Variants in ROBO2 observed in about 807,000 individuals in gnomAD.
ROBO2 encodes roundabout homolog 2.
A neutral mutation model predicts 160.8 loss-of-function variants in ROBO2; 53 were observed. The observed-to-expected ratio is 0.33, with a 90% CI of 0.26 to 0.41. The LOEUF (loss-of-function observed/expected upper bound fraction) is 0.41. Among genes scored for constraint, ROBO2 ranks in the 10% least tolerant of loss-of-function variants. The pLI is 1.00. For missense variants in ROBO2, 1,577 were observed against 1,722.4 expected (o/e 0.92, Z 1.49); for synonymous variants, 664 against 611.7 (o/e 1.09, Z -1.26).
rs1553866604 is a variant in ROBO2, at chr3:76,683,463, G to GGAA, written c.110-414551_110-414550insGAA. On this transcript the variant is annotated intron_variant, in intron 2 of 26. Coordinates refer to the ROBO2 transcript ENST00000487694. ...GTTCTTTTTATAAGTAACCCCCACC[G>GGAA]AAAAAAAAAAAAAAAAACCTGGAAA... Among the ~76,000 whole-genome samples, 922 of 117,682 alleles carry GGAA rather than the reference G, an allele frequency of 7.8e-3. 9 individuals carry two copies. The highest frequency in any genetic ancestry group is 0.026 in the African/African-American group (858 of 33,506). The allele number at this position is 117,682 out of a possible 152,430, so 77.2% of individuals were successfully genotyped here.
chr3:76,610,789 G>A (rs2088047758), intron 2 of ROBO2, among the ~76,000 whole-genome samples: 2 of 152,134 alleles, frequency 1.3e-5, no homozygotes, highest in Admixed American at 1.3e-4. Context: ...GCAGGAGCAT[G>A]TCACAGCTCT....
intron 17 of ROBO2, among the ~76,000 whole-genome samples, chr3:77,594,779 C>A (rs555298055): frequency 2.6e-5 from 4 of 152,052 alleles, no homozygotes; most frequent in Non-Finnish European, 4.4e-5. Context: ...AATTAGGACA[C>A]CTTTGTTTTA....
intron 2 of ROBO2, among the ~76,000 whole-genome samples, chr3:76,966,792 G>A (rs1049504621): frequency 2.6e-5 from 4 of 152,114 alleles, no homozygotes; most frequent in Admixed American, 6.5e-5. Flanking sequence ...TAAAATGCCC[G>A]GTATACCGTA....
At chr3:76,153,785 T>A (rs985722015) in intron 2 of ROBO2, among the ~76,000 whole-genome samples, 16 of 152,124 alleles carry the variant, frequency 1.1e-4, no homozygotes, top group African/African-American at 3.6e-4. Flanking sequence ...TACAGAGAGA[T>A]CTTGGGATTT....
intron 2 of ROBO2, among the ~76,000 whole-genome samples, chr3:77,268,254 TG>T (rs1444409826): frequency 1.3e-5 from 2 of 152,232 alleles, no homozygotes; most frequent in Non-Finnish European, 2.9e-5. Context: ...ATGGAACATA[TG>T]CTCAATGAAA....
intron 2 of ROBO2, among the ~76,000 whole-genome samples, chr3:77,251,357 G>A (rs904077721): frequency 1.3e-5 from 2 of 152,122 alleles, no homozygotes; most frequent in African/African-American, 2.4e-5. Flanking sequence ...CAAGTGTGGT[G>A]GCCAAAGGGT....
intron 2 of ROBO2, among the ~76,000 whole-genome samples, chr3:76,758,098 A>G (rs1048911910): frequency 6.6e-6 from 1 of 151,844 alleles, no homozygotes; most frequent in Non-Finnish European, 1.5e-5. Flanking sequence ...AGGAAAGACA[A>G]CTTAAGACAT....
At chr3:76,153,144 G>A (rs1050238295) in intron 2 of ROBO2, among the ~76,000 whole-genome samples, 8 of 152,158 alleles carry the variant, frequency 5.3e-5, no homozygotes, top group African/African-American at 1.9e-4. Context: ...TGAATAGTAT[G>A]TAAAGTAAGG....
At chr3:76,415,502 T>G (rs557734314) in intron 2 of ROBO2, among the ~76,000 whole-genome samples, 10 of 152,278 alleles carry the variant, frequency 6.6e-5, no homozygotes, top group Admixed American at 1.3e-4. Context: ...CTAAATATTT[T>G]AATAATGACT....
At chr3:76,028,708 AGAG>A (rs930129441) in intron 2 of ROBO2, among the ~76,000 whole-genome samples, 2 of 152,018 alleles carry the variant, frequency 1.3e-5, no homozygotes, top group African/African-American at 4.8e-5. Flanking sequence ...CTAAGAAGGA[AGAG>A]GAGGAGGACC....
intron 2 of ROBO2, among the ~76,000 whole-genome samples, chr3:76,386,798 A>G (rs1199358816): frequency 6.6e-6 from 1 of 152,164 alleles, no homozygotes; most frequent in Non-Finnish European, 1.5e-5. Flanking sequence ...GCAAGTTCCA[A>G]CTGTGGGACA....
intron 2 of ROBO2, among the ~76,000 whole-genome samples, chr3:77,272,417 G>A (rs77728429): frequency 6.6e-6 from 1 of 151,736 alleles, no homozygotes; most frequent in Non-Finnish European, 1.5e-5. Flanking sequence ...AGAGAAGGGC[G>A]GGGGGGAGGT....
intron 2 of ROBO2, among the ~76,000 whole-genome samples, chr3:77,219,434 G>A (rs375739034): frequency 1.6e-4 from 19 of 115,240 alleles, no homozygotes; most frequent in African/African-American, 4.4e-4. Context: ...GTATGTGTGT[G>A]TATATATATA....
chr3:77,393,665 G>C (rs958636220), intron 2 of ROBO2, among the ~76,000 whole-genome samples: 1 of 150,152 alleles, frequency 6.7e-6, no homozygotes, highest in Non-Finnish European at 1.5e-5. Context: ...ACTTCACATA[G>C]TTCAGGATAT....
intron 2 of ROBO2, among the ~76,000 whole-genome samples, chr3:76,783,207 T>G (rs1380250332): frequency 1.3e-5 from 2 of 150,956 alleles, no homozygotes; most frequent in Non-Finnish European, 3.0e-5. Context: ...TTTACAACTT[T>G]TTATATGGTG....
intron 2 of ROBO2, among the ~76,000 whole-genome samples, chr3:77,122,093 T>C (rs2074834283): frequency 1.3e-5 from 2 of 152,174 alleles, no homozygotes. Context: ...GAAGAATTCT[T>C]AGGATTGATC....
intron 2 of ROBO2, among the ~76,000 whole-genome samples, chr3:76,817,058 C>A (rs780375470): frequency 1.4e-4 from 22 of 152,082 alleles, no homozygotes; most frequent in Non-Finnish European, 2.2e-4. Context: ...ACATCAAACA[C>A]TGGAGAGTGT....
chr3:77,410,620 T>C (rs200343697), intron 2 of ROBO2, among the ~76,000 whole-genome samples: 393 of 18,038 alleles, frequency 0.022, no homozygotes, highest in Middle Eastern at 0.077. Flanking sequence ...TCCTCCTTCT[T>C]CTCCTCCTCT....
intron 2 of ROBO2, among the ~76,000 whole-genome samples, chr3:76,340,490 A>C (rs2074158642): frequency 6.6e-6 from 1 of 152,166 alleles, no homozygotes. Context: ...AAGTAATGTG[A>C]AGTCTACAGT....
Sources: allele counts gnomAD v4.1 joint callset (sites outside exome capture counted in the v4.1 genomes callset), GRCh38; gene constraint gnomAD v4.1.1; transcripts MANE v1.5; gene names NCBI Gene and HGNC (gene_info 2026-07-23, HGNC 2026-07-21).